Variants in RBFOX1 observed in about 807,000 individuals in gnomAD.
The protein encoded by RBFOX1 is RNA binding fox-1 homolog 1, also known as RNA binding protein fox-1 homolog 1.
Under a neutral mutation model 57.7 loss-of-function variants are expected in RBFOX1, and 8 were observed. The observed-to-expected ratio is 0.14, with a 90% CI of 0.08 to 0.25. The LOEUF is 0.25. Among genes scored for constraint, RBFOX1 ranks in the 10% least tolerant of loss-of-function variants. The pLI, the probability that RBFOX1 is intolerant of heterozygous loss-of-function variation, is 1.00. For synonymous variants in RBFOX1, 326 were observed against 222.4 expected, an observed-to-expected ratio of 1.47 and a Z score of -4.15; for missense variants, 611 against 548.5, an observed-to-expected ratio of 1.11 and a Z score of -1.14.
intron 2 of RBFOX1, among the ~76,000 whole-genome samples, chr16:5,553,783 A>G (rs1820036729): frequency 6.6e-6 from 1 of 151,892 alleles, no homozygotes; most frequent in Admixed American, 6.6e-5. Context: ...ATACCACAAT[A>G]TTGAAAAAAC....
chr16:6,421,095 G>C (rs184150792), intron 2 of RBFOX1, among the ~76,000 whole-genome samples: 4 of 152,180 alleles, frequency 2.6e-5, no homozygotes, highest in African/African-American at 9.7e-5. Flanking sequence ...TCACATGAAG[G>C]CTGGATGTGA....
chr16:5,889,868 G>C (rs2058003770), intron 4 of RBFOX1, among the ~76,000 whole-genome samples: 1 of 152,196 alleles, frequency 6.6e-6, no homozygotes, highest in African/African-American at 2.4e-5. Context: ...ATTCACCCCA[G>C]AATGGCTGGA....
At chr16:6,672,543 GAAAGAAAAGA>G (rs144044469) in intron 3 of RBFOX1, among the ~76,000 whole-genome samples, 2 of 151,406 alleles carry the variant, frequency 1.3e-5, no homozygotes, top group Non-Finnish European at 2.9e-5. Context: ...AAGAACAGGA[GAAAGAAAAGA>G]AAAGAAAAGA....
chr16:7,643,464 T>G (rs995453909), intron 11 of RBFOX1, among the ~76,000 whole-genome samples: 1 of 152,254 alleles, frequency 6.6e-6, no homozygotes, highest in African/African-American at 2.4e-5. Context: ...AGGTTTCTTA[T>G]GCAGATCTTC....
rs111753623 is a variant in RBFOX1 at position 6,180,558 on chromosome 16, A to G, written c.-126-136437A>G. ...GTCTCTCTGTTTCATTTTTGTTGTT[A>G]TTGTCATTCTTCTTTTTTCTTTTTT... On this transcript the variant is annotated intron_variant, in intron 1 of 15. Coordinates refer to ENST00000550418, the MANE Select transcript of RBFOX1 (RefSeq NM_018723.4). Among the ~76,000 whole-genome samples, 317 of 125,464 alleles carry G rather than the reference A, an allele frequency of 2.5e-3. 1 individual carries two copies. Among genetic ancestry groups the G allele is most frequent in the African/African-American group, 8.8e-3 (295 of 33,440 alleles). The allele number at this position is 125,464 out of a possible 152,430, so 82.3% of individuals were successfully genotyped here.
At chr16:7,124,445 T>C (rs773232083) in intron 4 of RBFOX1, among the ~76,000 whole-genome samples, 6 of 152,030 alleles carry the variant, frequency 3.9e-5, no homozygotes, top group Non-Finnish European at 8.8e-5. Context: ...ACAGTATCTG[T>C]AATTTGAAAT....
intron 10 of RBFOX1, among the ~76,000 whole-genome samples, chr16:7,622,592 G>T (rs1255844431): frequency 6.7e-6 from 1 of 150,374 alleles, no homozygotes; most frequent in African/African-American, 2.5e-5. Context: ...AAAATAAAAA[G>T]CAAAAAGAAA....
At chr16:6,739,718 A>C (rs2154181323) in intron 3 of RBFOX1, among the ~76,000 whole-genome samples, 1 of 152,118 alleles carries the variant, frequency 6.6e-6, no homozygotes, top group South Asian at 2.1e-4. Context: ...CTCTACTAAA[A>C]ATACAAAAAT....
At chr16:6,739,806 G>C (rs1254134225) in intron 3 of RBFOX1, among the ~76,000 whole-genome samples, 1 of 152,100 alleles carries the variant, frequency 6.6e-6, no homozygotes, top group African/African-American at 2.4e-5. Context: ...GAACCTGGGA[G>C]GCAGAGGTTG....
chr16:7,302,665 G>A (rs1266158886), intron 4 of RBFOX1, among the ~76,000 whole-genome samples: 3 of 150,164 alleles, frequency 2.0e-5, no homozygotes, highest in African/African-American at 7.3e-5. Flanking sequence ...CCAATCACTG[G>A]GTCAAAATCT....
intron 4 of RBFOX1, among the ~76,000 whole-genome samples, chr16:5,955,329 A>AT (rs1431152210): frequency 3.3e-5 from 1 of 30,652 alleles, no homozygotes; most frequent in African/African-American, 1.8e-4. Flanking sequence ...AATAAAATAA[A>AT]ATAAAATAAA....
intron 3 of RBFOX1, among the ~76,000 whole-genome samples, chr16:6,777,657 T>G (rs1439191991): frequency 2.0e-5 from 3 of 152,154 alleles, no homozygotes; most frequent in Non-Finnish European, 2.9e-5. Flanking sequence ...TTTCTTAGCC[T>G]GACAGTTTCT....
At chr16:6,951,761 T>G (rs2080811417) in intron 3 of RBFOX1, among the ~76,000 whole-genome samples, 1 of 152,040 alleles carries the variant, frequency 6.6e-6, no homozygotes, top group African/African-American at 2.4e-5. Flanking sequence ...TGAGATGGAG[T>G]CTCGCTCTTT....
intron 3 of RBFOX1, among the ~76,000 whole-genome samples, chr16:7,032,295 T>A (rs1024511004): frequency 3.3e-5 from 5 of 151,224 alleles, no homozygotes; most frequent in African/African-American, 1.2e-4. Context: ...AACAAAAAAA[T>A]TTAGCTGGGT....
At chr16:6,931,344 C>CT (rs1168215526) in intron 3 of RBFOX1, among the ~76,000 whole-genome samples, 2 of 115,740 alleles carry the variant, frequency 1.7e-5, no homozygotes, top group Non-Finnish European at 4.0e-5. Flanking sequence ...TATCTCTACA[C>CT]ACACACACAC....
intron 4 of RBFOX1, among the ~76,000 whole-genome samples, chr16:7,119,777 C>T (rs1013923418): frequency 6.6e-6 from 1 of 152,030 alleles, no homozygotes; most frequent in Admixed American, 6.6e-5. Context: ...AAGTCTGTCT[C>T]ACTATTTGAT....
chr16:7,318,063 G>A (rs1385747802), intron 4 of RBFOX1, among the ~76,000 whole-genome samples: 1 of 152,016 alleles, frequency 6.6e-6, no homozygotes, highest in African/African-American at 2.4e-5. Context: ...TGTGAATGGT[G>A]ACGGTGGTAG....
At position 5,974,516 on chromosome 16, in the gene RBFOX1, A is replaced by G. The variant is rs185114476; in HGVS notation, c.351+107181A>G. 3.1e-3 allele frequency among the ~76,000 whole-genome samples: 479 copies of G among 152,244 alleles called. 3 individuals carry two copies. Among genetic ancestry groups the G allele is most frequent in the African/African-American group, 0.011 (465 of 41,554 alleles). ...TCCCAGCTACTCGGGAGGCTGAGGC[A>G]GGAGAATCACTCGAACCCGGGAGGC... is the stretch of plus-strand genomic sequence containing the variant. On this transcript the variant is annotated intron_variant, in intron 4 of 19. Coordinates refer to the RBFOX1 transcript ENST00000641259.
upstream of RBFOX1, among the ~76,000 whole-genome samples, chr16:6,016,347 A>G (rs1196314785): frequency 6.6e-6 from 1 of 152,194 alleles, no homozygotes; most frequent in Non-Finnish European, 1.5e-5. Flanking sequence ...GCTATCCAGG[A>G]AAAGAGAGTA....
Sources: allele counts gnomAD v4.1 joint callset (sites outside exome capture counted in the v4.1 genomes callset), GRCh38; gene constraint gnomAD v4.1.1; transcripts MANE v1.5; gene names NCBI Gene and HGNC (gene_info 2026-07-23, HGNC 2026-07-21).